The following CDH22 variants were observed in gnomAD, a reference collection of about 807,000 sequenced individuals.
CDH22 encodes the protein cadherin-22.
In CDH22, 30 loss-of-function variants were observed where a neutral mutation model predicts 58.4. The ratio of observed to expected loss-of-function variants is 0.51; its 90% CI spans 0.38 to 0.70. The LOEUF (loss-of-function observed/expected upper bound fraction) is 0.70, where lower values mean the gene tolerates loss of function less well. Among genes scored for constraint, CDH22 ranks in the 30% least tolerant of loss-of-function variants. The pLI, the probability that CDH22 is intolerant of heterozygous loss-of-function variation, is 0.00. For synonymous variants in CDH22, 513 were observed against 558.2 expected (o/e 0.92, Z 1.14); for missense variants, 1,014 against 1,233.9 (o/e 0.82, Z 2.67).
At chr20:46,261,953 A>G (rs1354963737) in intron 1 of CDH22, among the ~76,000 whole-genome samples, 1 of 152,132 alleles carries the variant, frequency 6.6e-6, no homozygotes, top group Admixed American at 6.5e-5. Context: ...CCTGCAACTC[A>G]CATGAGCATG....
chr20:46,242,445 T>C (rs1036409154), intron 2 of CDH22, among the ~76,000 whole-genome samples: 1 of 152,242 alleles, frequency 6.6e-6, no homozygotes, highest in Non-Finnish European at 1.5e-5. Flanking sequence ...TTGCTTCATC[T>C]GTAACATGGG....
At chr20:46,214,794 A>G (rs2086071489) in intron 5 of CDH22, among the ~76,000 whole-genome samples, 1 of 152,158 alleles carries the variant, frequency 6.6e-6, no homozygotes, top group African/African-American at 2.4e-5. Flanking sequence ...TTGGCCCCCA[A>G]GCTTATCCCA....
At chr20:46,209,832 T>C (rs1294353644) in intron 7 of CDH22, 1 of 156,072 alleles carries the variant, frequency 6.4e-6, no homozygotes, top group East Asian at 1.9e-4. Context: ...GGTGGGTTTT[T>C]TTTTTCTTTT....
intron 3 of CDH22, among the ~76,000 whole-genome samples, chr20:46,230,275 C>T (rs566544361): frequency 1.8e-4 from 27 of 152,290 alleles, no homozygotes; most frequent in African/African-American, 4.3e-4. Flanking sequence ...GTGATATAGA[C>T]GCAGTGGTTT....
chr20:46,304,583 G>A (rs2086666307), intron 1 of CDH22, among the ~76,000 whole-genome samples: 1 of 152,206 alleles, frequency 6.6e-6, no homozygotes, highest in South Asian at 2.1e-4. Flanking sequence ...TGGGTCTGAC[G>A]ACAAAGCAAG....
intron 2 of CDH22, among the ~76,000 whole-genome samples, chr20:46,243,211 G>A (rs1391420998): frequency 1.3e-5 from 2 of 152,232 alleles, no homozygotes; most frequent in Admixed American, 1.3e-4. Context: ...CCCATCCCCT[G>A]CCACGCAGGA....
rs370335928 is a variant in CDH22 at position 46,201,112 on chromosome 20, T to C, written c.1287-1553A>G. Among the ~76,000 whole-genome samples, 6 of 152,320 alleles carry C rather than the reference T, an allele frequency of 3.9e-5. No homozygotes were observed. The East Asian group carries it at 5.8e-4, about 15-fold the overall frequency. ...GGCGGCCCAGAGAGGCCTCGCCAGCTCCGGCCTCCGCTTCCCCATGCTGAT... is the reference window on the plus strand; with the variant it reads ...GGCGGCCCAGAGAGGCCTCGCCAGCCCCGGCCTCCGCTTCCCCATGCTGAT... On this transcript the variant is annotated intron_variant, in intron 7 of 11. Transcript: ENST00000537909.
chr20:46,269,007 C>A (rs2086474990), intron 1 of CDH22, among the ~76,000 whole-genome samples: 1 of 152,234 alleles, frequency 6.6e-6, no homozygotes, highest in Admixed American at 6.5e-5. Context: ...GGGGAAATCA[C>A]TCCTCTCTGG....
intron 1 of CDH22, among the ~76,000 whole-genome samples, chr20:46,269,779 G>A (rs540267513): frequency 2.0e-4 from 31 of 152,296 alleles, no homozygotes; most frequent in African/African-American, 7.0e-4. Context: ...CTGGGGGCCT[G>A]AGGTCAGCAT....
At chr20:46,291,868 G>C (rs2086605092) in intron 1 of CDH22, among the ~76,000 whole-genome samples, 2 of 152,230 alleles carry the variant, frequency 1.3e-5, no homozygotes, top group Non-Finnish European at 2.9e-5. Context: ...TTTGTTGGTG[G>C]GGGCTGTCCT....
intron 1 of CDH22, among the ~76,000 whole-genome samples, chr20:46,299,226 T>A (rs1854740467): frequency 6.6e-6 from 1 of 152,194 alleles, no homozygotes; most frequent in South Asian, 2.1e-4. Context: ...CCGAAGCCTT[T>A]GCCAAGCTCC....
intron 1 of CDH22, among the ~76,000 whole-genome samples, chr20:46,262,899 C>T (rs2086440201): frequency 6.6e-6 from 1 of 152,214 alleles, no homozygotes; most frequent in South Asian, 2.1e-4. Context: ...TTTGCTCCTG[C>T]TCTTGCCTCT....
rs183193002 is a variant in CDH22 at position 46,282,751 on chromosome 20, G to A, written c.-400+25504C>T. Among the ~76,000 whole-genome samples the A allele has an allele frequency of 2.3e-3, 352 of 152,224 alleles. 1 individual carries two copies. The highest frequency in any genetic ancestry group is 4.0e-3 in the Non-Finnish European group (270 of 67,998). On this transcript the variant is annotated intron_variant, in intron 1 of 11. Coordinates refer to ENST00000537909, the MANE Select transcript of CDH22 (RefSeq NM_021248.3). ...CGCCTCCCCCAGTGAGTTCTCCCCC[G>A]GGGGAGGGAAGGGTGGGTGGGTGAT...
At position 46,216,473 on chromosome 20, in the gene CDH22, C is replaced by T. The variant is rs1287734360; in HGVS notation, c.838+353G>A. Among the ~76,000 whole-genome samples the T allele has an allele frequency of 6.6e-6, 1 of 152,172 alleles. No individual in the cohort carries two copies. The highest frequency in any genetic ancestry group is 2.1e-4 in the South Asian group (1 of 4,826). On this transcript the variant is annotated intron_variant, in intron 5 of 11. Transcript: ENST00000537909. The surrounding 1 kb of genome is among the most constrained non-coding windows in gnomAD (Gnocchi z 5.3). ...AGGTCAGCGGCATGGGATGGCCCAA[C>T]AAGTGGCTAGGGGAGTGGGCAGGGG... is the stretch of plus-strand genomic sequence containing the variant.
intron 2 of CDH22, among the ~76,000 whole-genome samples, chr20:46,246,834 A>T (rs944648995): frequency 5.9e-5 from 9 of 152,008 alleles, no homozygotes; most frequent in African/African-American, 2.2e-4. Flanking sequence ...GGGTGGGGGG[A>T]ACCAGGAAGC....
rs113785620 is a variant in CDH22, at chr20:46,229,927, C to A, written c.551-2300G>T. Among the ~76,000 whole-genome samples the A allele has an allele frequency of 3.5e-3, 539 of 152,270 alleles. 2 individuals carry two copies. Among genetic ancestry groups the A allele is most frequent in the Admixed American group, 7.1e-3 (109 of 15,302 alleles). On this transcript the variant is annotated intron_variant, in intron 3 of 11. Transcript: ENST00000537909. ...AGACATGGCTGAGCTCTCTCTCTCCCTGGCTGCATCCCAGGGACTCCCGAG... is the reference window on the plus strand; with the variant it reads ...AGACATGGCTGAGCTCTCTCTCTCCATGGCTGCATCCCAGGGACTCCCGAG...
rs1187195989 is a variant in CDH22, at chr20:46,251,257, C to T, written c.38G>A (p.Gly13Glu). The T allele has an allele frequency of 1.4e-6, 2 of 1,468,246 alleles. No individual in the cohort carries two copies. The highest frequency in any genetic ancestry group is 1.8e-6 in the Non-Finnish European group (2 of 1,114,462). The allele number at this position is 1,468,246 out of a possible 1,614,324, so 91.0% of individuals were successfully genotyped here. A position where few individuals can be genotyped will look rare whatever the true frequency, so the allele number is the denominator to read the frequency against. ...CAGTAGCGCGGGGGACAGCGCGACT[C>T]CCGCCCGGAGCCCCCTACCTTCGGG... Reference protein sequence around the residue: ...PRPEGRGLRAGVALSPALLLL... With the variant: ...PRPEGRGLRAEVALSPALLLL... The change falls in exon 2 of 12, where the codon GGA (glycine) becomes GAA (glutamate). Residue 13 changes from glycine to glutamate, a missense_variant. By Grantham distance (98) the Gly-to-Glu change is moderately conservative. Around this residue, in one of 2 missense-constraint regions of CDH22, gnomAD observed 806 missense variants for 1,038.7 expected, o/e 0.78. Coordinates refer to ENST00000537909, the MANE Select transcript of CDH22 (RefSeq NM_021248.3). This position sits in a 1 kb window ranked among gnomAD's most constrained non-coding sequence, Gnocchi z 6.7.
intron 3 of CDH22, among the ~76,000 whole-genome samples, chr20:46,233,553 C>T (rs2086233417): frequency 1.3e-5 from 2 of 152,230 alleles, no homozygotes; most frequent in South Asian, 4.1e-4. Context: ...CTACAGAGCA[C>T]CTACTATGTG....
At chr20:46,200,271 G>A (rs952623495) in intron 7 of CDH22, among the ~76,000 whole-genome samples, 3 of 151,718 alleles carry the variant, frequency 2.0e-5, no homozygotes, top group Admixed American at 6.6e-5. Context: ...GACCGCGCCC[G>A]GCCCTCTTTT....
Sources: gnomAD v4.1 joint callset for allele counts (sites outside exome capture counted in the v4.1 genomes callset) on GRCh38, gnomAD v4.1.1 for gene constraint, gnomAD v4.1.1 regional missense constraint, Gnocchi (gnomAD v3.1) non-coding constraint, MANE v1.5 for transcripts, NCBI Gene and HGNC (gene_info 2026-07-23, HGNC 2026-07-21) for gene names.